Variants in TFDP2 observed in about 807,000 individuals in gnomAD.
TFDP2 encodes the protein transcription factor Dp-2.
A neutral mutation model predicts 59.3 loss-of-function variants in TFDP2; 17 were observed. The ratio of observed to expected loss-of-function variants is 0.29; its 90% confidence interval spans 0.20 to 0.43. TFDP2 has a LOEUF of 0.43. TFDP2 is among the 20% of genes least tolerant of loss of function. The probability of loss-of-function intolerance (pLI) is 1.00; values close to 1 mark genes in which losing one functional copy is unlikely to be tolerated. For missense variants in TFDP2, 391 were observed against 528.8 expected, an observed-to-expected ratio of 0.74 and a Z score of 2.56; for synonymous variants, 180 against 194.7, an observed-to-expected ratio of 0.92 and a Z score of 0.63.
intron 3 of TFDP2, among the ~76,000 whole-genome samples, chr3:142,042,712 C>A (rs1576813943): frequency 8.7e-6 from 1 of 114,384 alleles, no homozygotes; most frequent in Non-Finnish European, 1.8e-5. Flanking sequence ...TTGTAGCAGT[C>A]TCTTTTCTAC....
chr3:142,009,334 T>C lies in TFDP2; in HGVS notation c.83-3790A>G, dbSNP rs141035405. ...TGAAATCAATTTAAACAGCAGGTCC[T>C]TTGTTTATTTTGCTTTTAACATGAC... On this transcript the variant is annotated intron_variant, in intron 3 of 12. Coordinates refer to ENST00000489671, the MANE Select transcript of TFDP2 (RefSeq NM_001178139.2). Among the ~76,000 whole-genome samples, 446 of 152,346 alleles carry C rather than the reference T, an allele frequency of 2.9e-3. 3 individuals are homozygous for C. The highest frequency in any genetic ancestry group is 0.01 in the African/African-American group (429 of 41,572).
At chr3:142,043,808 G>C in intron 3 of TFDP2, 1 of 1,588,974 alleles carries the variant, frequency 6.3e-7, no homozygotes, top group Non-Finnish European at 8.6e-7. Context: ...ATGAGAATCC[G>C]CTTGTTTTTG....
intron 9 of TFDP2, among the ~76,000 whole-genome samples, chr3:141,966,784 C>T (rs1938137971): frequency 2.0e-5 from 3 of 151,518 alleles, no homozygotes; most frequent in Admixed American, 2.0e-4. Context: ...CATTCTTCTA[C>T]ATTACCAAAA....
intron 1 of TFDP2, among the ~76,000 whole-genome samples, chr3:142,113,418 C>T (rs1422681404): frequency 6.6e-6 from 1 of 151,974 alleles, no homozygotes; most frequent in Admixed American, 6.6e-5. Context: ...GCCACCACAC[C>T]CGGCTAATTT....
intron 7 of TFDP2, among the ~76,000 whole-genome samples, chr3:141,975,456 G>GCCAA (rs1940484415): frequency 2.6e-5 from 4 of 151,998 alleles, no homozygotes; most frequent in Admixed American, 2.6e-4. Flanking sequence ...ACTTTGAGAG[G>GCCAA]CCAAGGTGGG....
chr3:142,069,077 G>A (rs2060159547), intron 3 of TFDP2, among the ~76,000 whole-genome samples: 1 of 151,806 alleles, frequency 6.6e-6, no homozygotes, highest in African/African-American at 2.4e-5. Flanking sequence ...CACCATGCCT[G>A]GCTAATTTTT....
chr3:142,031,088 T>C (rs78768527), intron 3 of TFDP2, among the ~76,000 whole-genome samples: 10,578 of 152,232 alleles, frequency 0.069, 466 homozygotes, highest in Non-Finnish European at 0.11. Flanking sequence ...GGCCCTCCAA[T>C]TGTCCAGAGC....
rs144155154 is a variant in TFDP2, at chr3:142,149,408, C to G, written c.-318G>C. 2.7e-3 allele frequency: 1,057 copies of G among 385,326 alleles called. 9 individuals are homozygous for G. Among genetic ancestry groups the G allele is most frequent in the African/African-American group, 0.02 (942 of 48,120 alleles). The allele number at this position is 385,326 out of a possible 1,614,324, so 23.9% of individuals were successfully genotyped here. A position where few individuals can be genotyped will look rare whatever the true frequency, so the allele number is the denominator to read the frequency against. The stretch of plus-strand genomic sequence containing the variant: ...TCGAGCCTGCCCAAAGATGAAGGGT[C>G]AGGGCGCGCCCCGCGGGCCGGGCAG... On this transcript the variant is annotated 5_prime_UTR_variant, in exon 1 of 13. Transcript: ENST00000489671.
chr3:142,003,528 T>C (rs1232656838), intron 4 of TFDP2, among the ~76,000 whole-genome samples: 1 of 152,110 alleles, frequency 6.6e-6, no homozygotes, highest in Non-Finnish European at 1.5e-5. Context: ...AGCACCACAA[T>C]AGGGATTAAG....
chr3:142,053,238 G>C (rs1947735661), intron 3 of TFDP2, among the ~76,000 whole-genome samples: 1 of 152,198 alleles, frequency 6.6e-6, no homozygotes, highest in Non-Finnish European at 1.5e-5. Context: ...CAATGTTGGA[G>C]GTGGGGCCTG....
intron 8 of TFDP2, among the ~76,000 whole-genome samples, chr3:141,970,692 A>T (rs1939589972): frequency 6.6e-6 from 1 of 152,184 alleles, no homozygotes; most frequent in South Asian, 2.1e-4. Context: ...CTCCTCTAAG[A>T]ATAAGGCAAG....
chr3:142,038,980 A>G (rs1234663200), intron 3 of TFDP2, among the ~76,000 whole-genome samples: 1 of 152,194 alleles, frequency 6.6e-6, no homozygotes, highest in East Asian at 1.9e-4. Context: ...GACATGGCTA[A>G]GTCAAATAAT....
intron 3 of TFDP2, among the ~76,000 whole-genome samples, chr3:142,039,508 A>G (rs1334380875): frequency 6.6e-6 from 1 of 152,074 alleles, no homozygotes; most frequent in Non-Finnish European, 1.5e-5. Flanking sequence ...CACCTCTCAC[A>G]TACCCTATTG....
At chr3:142,006,789 C>CT (rs34909530) in intron 3 of TFDP2, among the ~76,000 whole-genome samples, 18,088 of 150,562 alleles carry the variant, frequency 0.12, 1,330 homozygotes, top group East Asian at 0.18. Flanking sequence ...TTTTCTTTTT[C>CT]TTTTTTTTTG....
chr3:141,983,004 A>T (rs980057463), intron 6 of TFDP2, among the ~76,000 whole-genome samples: 3 of 152,226 alleles, frequency 2.0e-5, no homozygotes, highest in Admixed American at 2.0e-4. Context: ...CATATGGTAC[A>T]CTACAAGTGA....
In TFDP2 at chr3:142,023,793, T is replaced by A. The variant is rs1405342082; in HGVS notation, c.83-18249A>T. Among the ~76,000 whole-genome samples, 3 of 152,244 alleles carry A rather than the reference T, an allele frequency of 2.0e-5. No individual in the cohort carries two copies. In the East Asian group the frequency reaches 5.8e-4, roughly 29 times the overall value. ...ACAAAATCTCTTTGTATTAAAAATTTATCCATTAAAGATTTTTAAATTTTT... is the reference window on the plus strand; with the variant it reads ...ACAAAATCTCTTTGTATTAAAAATTAATCCATTAAAGATTTTTAAATTTTT... On this transcript the variant is annotated intron_variant, in intron 3 of 12. Coordinates refer to ENST00000489671, the MANE Select transcript of TFDP2 (RefSeq NM_001178139.2).
intron 11 of TFDP2, among the ~76,000 whole-genome samples, chr3:141,954,693 C>T (rs1396194434): frequency 6.6e-6 from 1 of 151,896 alleles, no homozygotes; most frequent in Admixed American, 6.6e-5. Context: ...CTGTCAGCTG[C>T]CACTTTACAA....
chr3:142,112,809 C>T (rs2061707320), intron 1 of TFDP2, among the ~76,000 whole-genome samples: 1 of 152,162 alleles, frequency 6.6e-6, no homozygotes, highest in South Asian at 2.1e-4. Flanking sequence ...GCACGTGCCA[C>T]CACACCCAGC....
At chr3:141,969,233 A>T (rs1259441940) in intron 9 of TFDP2, among the ~76,000 whole-genome samples, 1 of 72,082 alleles carries the variant, frequency 1.4e-5, no homozygotes, top group East Asian at 3.0e-4. Context: ...TATATATGAG[A>T]TATATATATA....
Sources: gnomAD v4.1 joint callset for allele counts (sites outside exome capture counted in the v4.1 genomes callset) on GRCh38, gnomAD v4.1.1 for gene constraint, MANE v1.5 for transcripts, NCBI Gene and HGNC (gene_info 2026-07-23, HGNC 2026-07-21) for gene names.